Variants in PPFIA2 observed in about 807,000 individuals in gnomAD.
PPFIA2 encodes the protein PPFI scaffold protein A2, also known as liprin-alpha-2.
Under a neutral mutation model 175.5 loss-of-function variants are expected in PPFIA2, and 46 were observed. That is an observed-to-expected ratio of 0.26 (90% CI 0.21 to 0.34). The LOEUF (loss-of-function observed/expected upper bound fraction) is 0.34. Ranked by LOEUF, PPFIA2 falls within the 10% of genes least tolerant of loss-of-function variation. The probability of loss-of-function intolerance (pLI) is 1.00; values close to 1 mark genes in which losing one functional copy is unlikely to be tolerated. For synonymous variants in PPFIA2, 568 were observed against 511.4 expected (o/e 1.11, Z -1.49); for missense variants, 1,179 against 1,506.1 (o/e 0.78, Z 3.60).
chr12:81,260,340 CA>C (rs1352666652), intron 32 of PPFIA2: 3 of 151,998 alleles, frequency 2.0e-5, no homozygotes, highest in Non-Finnish European at 1.5e-5. Context: ...ATGTCATGCA[CA>C]AAAAACAGAT....
chr12:81,736,499 G>A (rs902755565), intron 3 of PPFIA2, among the ~76,000 whole-genome samples: 3 of 151,954 alleles, frequency 2.0e-5, no homozygotes, highest in Non-Finnish European at 2.9e-5. Context: ...TTTAATAAAG[G>A]CAGTAGCACA....
chr12:81,523,399 C>T (rs915812746), intron 4 of PPFIA2, among the ~76,000 whole-genome samples: 7 of 151,982 alleles, frequency 4.6e-5, no homozygotes, highest in Admixed American at 1.3e-4. Flanking sequence ...CATTCCAAAA[C>T]GTATCTTCCT....
chr12:81,577,148 A>T (rs552534366), intron 4 of PPFIA2, among the ~76,000 whole-genome samples: 8 of 152,056 alleles, frequency 5.3e-5, no homozygotes, highest in African/African-American at 1.9e-4. Context: ...TCCAAAACAG[A>T]CAAACATTAG....
intron 4 of PPFIA2, among the ~76,000 whole-genome samples, chr12:81,479,195 C>A (rs1423318598): frequency 6.6e-6 from 1 of 152,016 alleles, no homozygotes; most frequent in Non-Finnish European, 1.5e-5. Context: ...CTTTTTTGAT[C>A]TTTGTTGGTT....
intron 4 of PPFIA2, among the ~76,000 whole-genome samples, chr12:81,461,286 T>C (rs2054497666): frequency 6.6e-6 from 1 of 152,080 alleles, no homozygotes; most frequent in African/African-American, 2.4e-5. Context: ...CAGTGATGAA[T>C]AACTTGTTCA....
chr12:81,513,451 G>T (rs904982338), intron 4 of PPFIA2, among the ~76,000 whole-genome samples: 1 of 151,966 alleles, frequency 6.6e-6, no homozygotes, highest in Non-Finnish European at 1.5e-5. Flanking sequence ...ACATGCACCT[G>T]CAAGTTTACA....
intron 3 of PPFIA2, among the ~76,000 whole-genome samples, chr12:81,704,023 T>A (rs1455642283): frequency 6.6e-6 from 1 of 152,196 alleles, no homozygotes; most frequent in Admixed American, 6.5e-5. Flanking sequence ...TGTTTACCTG[T>A]TTGTTGTTTG....
intron 4 of PPFIA2, among the ~76,000 whole-genome samples, chr12:81,485,345 C>T (rs1032653161): frequency 6.6e-6 from 1 of 151,402 alleles, no homozygotes. Flanking sequence ...CTCCTTAATA[C>T]ACTTTATATA....
chr12:81,327,372 G>A (rs898933279), intron 21 of PPFIA2, among the ~76,000 whole-genome samples: 1 of 151,928 alleles, frequency 6.6e-6, no homozygotes, highest in African/African-American at 2.4e-5. Context: ...GGTGACTAAA[G>A]TACTCTTGGG....
intron 4 of PPFIA2, among the ~76,000 whole-genome samples, chr12:81,567,965 G>A (rs750413242): frequency 7.9e-5 from 12 of 152,176 alleles, no homozygotes; most frequent in Non-Finnish European, 1.6e-4. Flanking sequence ...ATAGTCTTGT[G>A]GATGCCTGTG....
intron 24 of PPFIA2, among the ~76,000 whole-genome samples, chr12:81,287,898 A>G (rs896610361): frequency 1.3e-5 from 2 of 151,790 alleles, no homozygotes; most frequent in African/African-American, 4.8e-5. Flanking sequence ...ATATTGTATA[A>G]CTTGGTTGTG....
At chr12:81,390,308 G>A (rs1284438527) in intron 8 of PPFIA2, among the ~76,000 whole-genome samples, 1 of 152,008 alleles carries the variant, frequency 6.6e-6, no homozygotes, top group Non-Finnish European at 1.5e-5. Context: ...TCCTAGAGTA[G>A]AATTGATGGA....
intron 7 of PPFIA2, among the ~76,000 whole-genome samples, chr12:81,431,882 G>T (rs937415422): frequency 1.2e-4 from 19 of 152,016 alleles, no homozygotes; most frequent in African/African-American, 4.6e-4. Flanking sequence ...GCCTCTCTCT[G>T]TCACCTCCTC....
rs372283044 is a variant in PPFIA2 at position 81,390,267 on chromosome 12, G to A, written c.763-6023C>T. 2.6e-4 allele frequency among the ~76,000 whole-genome samples: 39 copies of A among 151,984 alleles called. No homozygotes were observed. The East Asian group carries it at 6.2e-3, about 24-fold the overall frequency. On this transcript the variant is annotated intron_variant, in intron 8 of 32. Coordinates refer to ENST00000549396, the MANE Select transcript of PPFIA2 (RefSeq NM_003625.5). The stretch of plus-strand genomic sequence containing the variant: ...AACTTTTGTGTATAAGTCTTTATAC[G>A]GACAAATGTTTTCAGTTCTCTTGGA...
intron 4 of PPFIA2, among the ~76,000 whole-genome samples, chr12:81,505,334 T>C (rs559134808): frequency 6.8e-6 from 1 of 146,612 alleles, no homozygotes; most frequent in African/African-American, 2.5e-5. Flanking sequence ...ATGCTGAAAA[T>C]AAGAGGTTCA....
At position 81,329,706 on chromosome 12, in the gene PPFIA2, C is replaced by T. The variant is rs150199611; in HGVS notation, c.2549-3836G>A. Among the ~76,000 whole-genome samples the T allele has an allele frequency of 1.1e-3, 173 of 152,244 alleles. 1 individual carries two copies. Among genetic ancestry groups the T allele is most frequent in the South Asian group, 0.011 (51 of 4,820 alleles). ...GGCATCTGGTCGAGTGCATGCGTGG[C>T]GTAGAGTGTCAAAGAAAACCCTGAA... is the stretch of plus-strand genomic sequence containing the variant. On this transcript the variant is annotated intron_variant, in intron 21 of 32. Coordinates refer to ENST00000549396, the MANE Select transcript of PPFIA2 (RefSeq NM_003625.5).
intron 7 of PPFIA2, among the ~76,000 whole-genome samples, chr12:81,427,364 T>C (rs2047322514): frequency 6.6e-6 from 1 of 152,086 alleles, no homozygotes; most frequent in African/African-American, 2.4e-5. Flanking sequence ...TAGTAATAAT[T>C]ATCCTTTTCT....
In PPFIA2 at chr12:81,719,635, T is replaced by A. The variant is rs574206525; in HGVS notation, c.249+34338A>T. Among the ~76,000 whole-genome samples the A allele has an allele frequency of 3.3e-5, 5 of 151,712 alleles. 1 individual carries two copies. The highest frequency in any genetic ancestry group is 1.2e-4 in the African/African-American group (5 of 41,492). ...AAAAAGTTTTAACTGAACATCTTTA[T>A]ATATCTTAGTTTAATTAAATCTATA... On this transcript the variant is annotated intron_variant, in intron 3 of 32. Transcript: ENST00000549396.
At chr12:81,396,618 T>A (rs184837218) in intron 8 of PPFIA2, among the ~76,000 whole-genome samples, 4 of 152,212 alleles carry the variant, frequency 2.6e-5, no homozygotes, top group African/African-American at 9.6e-5. Flanking sequence ...TGTGTTCAGA[T>A]ATATGGTTTA....
Sources: gnomAD v4.1 joint callset for allele counts (sites outside exome capture counted in the v4.1 genomes callset) on GRCh38, gnomAD v4.1.1 for gene constraint, MANE v1.5 for transcripts, NCBI Gene and HGNC (gene_info 2026-07-23, HGNC 2026-07-21) for gene names.